The following SLC9A5 variants were observed in gnomAD, a reference collection of about 807,000 sequenced individuals.
SLC9A5 encodes the protein sodium/hydrogen exchanger 5.
Under a neutral mutation model 91.7 loss-of-function variants are expected in SLC9A5, and 52 were observed. That is an observed-to-expected ratio of 0.57 (90% CI 0.45 to 0.71). The LOEUF (loss-of-function observed/expected upper bound fraction) is 0.71, where lower values mean the gene tolerates loss of function less well. SLC9A5 is among the 30% of genes least tolerant of loss of function. The probability of loss-of-function intolerance (pLI) is 0.00; values close to 1 mark genes in which losing one functional copy is unlikely to be tolerated. For synonymous variants in SLC9A5, 419 were observed against 474.5 expected (o/e 0.88, Z 1.52); for missense variants, 871 against 1,158.9 (o/e 0.75, Z 3.61).
intron 11 of SLC9A5, 47 bp from the exon 12 acceptor site, chr16:67,259,773 C>T (rs779317834): frequency 1.2e-6 from 2 of 1,603,300 alleles, no homozygotes; most frequent in South Asian, 2.2e-5. Flanking sequence ...TTCTCCTGGA[C>T]TGCCTCCTGC....
Position 67,270,226 on chromosome 16 carries a change from C to T in SLC9A5, c.2219-512C>T, listed in dbSNP as rs1018360235. Reference sequence around the variant, plus strand: ...TTTTATATAGAGTCTCACTCTTTCACCCAGGCTGGAGTGCAGTGGCGAGAT... The same window carrying T: ...TTTTATATAGAGTCTCACTCTTTCATCCAGGCTGGAGTGCAGTGGCGAGAT... On this transcript the variant is annotated intron_variant, in intron 15 of 15. Coordinates refer to ENST00000299798, the MANE Select transcript of SLC9A5 (RefSeq NM_004594.3). The surrounding 1 kb of genome is among the most constrained non-coding windows in gnomAD (Gnocchi z 4.3). Among the ~76,000 whole-genome samples the T allele has an allele frequency of 3.3e-5, 5 of 152,156 alleles. No homozygotes were observed. The highest frequency in any genetic ancestry group is 7.3e-5 in the Non-Finnish European group (5 of 68,040).
At chr16:67,264,939 C>A in intron 13 of SLC9A5, 101 bp from the exon 14 acceptor site, 1 of 1,207,360 alleles carries the variant, frequency 8.3e-7, no homozygotes, top group Non-Finnish European at 1.2e-6. Flanking sequence ...AATTCCCTCC[C>A]CTGCTGGGTT....
In SLC9A5 at chr16:67,271,657, C is replaced by T. The variant is rs984537948; in HGVS notation, c.*447C>T. On this transcript the variant is annotated 3_prime_UTR_variant, in exon 16 of 16. Coordinates refer to ENST00000299798, the MANE Select transcript of SLC9A5 (RefSeq NM_004594.3). The stretch of plus-strand genomic sequence containing the variant: ...CAGTGGTGTCCTGGCAGTGAGGCTC[C>T]GTGAGGGGCTGGCCCTTAGAGGAAC... The T allele has an allele frequency of 1.2e-4, 21 of 172,064 alleles. No individual in the cohort carries two copies. Among genetic ancestry groups the T allele is most frequent in the Admixed American group, 6.7e-4 (12 of 18,030 alleles). The allele number at this position is 172,064 out of a possible 1,614,324, so 10.7% of individuals were successfully genotyped here.
chr16:67,266,057 G>A, intron 14 of SLC9A5, 31 bp from the exon 15 acceptor site: 2 of 1,607,758 alleles, frequency 1.2e-6, no homozygotes, highest in East Asian at 4.5e-5. Flanking sequence ...GCCAGCCCAG[G>A]ATGCCTGACT....
At position 67,256,732 on chromosome 16, in the gene SLC9A5, C is replaced by T. The variant is rs770134350; in HGVS notation, c.1132+43C>T. 105 of 1,490,314 alleles carry T rather than the reference C, an allele frequency of 7.0e-5. No individual in the cohort carries two copies. The Admixed American group carries it at 1.5e-3, about 21-fold the overall frequency. The allele number at this position is 1,490,314 out of a possible 1,614,324, so 92.3% of individuals were successfully genotyped here. ...TGCTTTCCCACTCTCCTTCCTGTCC[C>T]GCCCCTCCCTGCAGCTCATCTCCCT... is the stretch of plus-strand genomic sequence containing the variant. On this transcript the variant is annotated intron_variant, in intron 6 of 15. Coordinates refer to ENST00000299798, the MANE Select transcript of SLC9A5 (RefSeq NM_004594.3). The surrounding 1 kb of genome is among the most constrained non-coding windows in gnomAD (Gnocchi z 4.1).
Position 67,248,998 on chromosome 16 carries a change from G to C in SLC9A5, c.-17G>C. ...GCGGCCGTGCGGTGCCGGGAGGGCG[G>C]CTGGGCAGGCGGCAGGATGCTGCGC... On this transcript the variant is annotated 5_prime_UTR_variant, in exon 1 of 16. Coordinates refer to ENST00000299798, the MANE Select transcript of SLC9A5 (RefSeq NM_004594.3). The surrounding 1 kb of genome is among the most constrained non-coding windows in gnomAD (Gnocchi z 5.3). The C allele has an allele frequency of 7.9e-7, 1 of 1,262,610 alleles. No individual in the cohort carries two copies. The highest frequency in any genetic ancestry group is 1.0e-6 in the Non-Finnish European group (1 of 1,002,344). 78.2% of individuals were successfully genotyped at this position (1,262,610 alleles called of 1,614,324 possible).
rs761028172 is a variant in SLC9A5 at position 67,256,459 on chromosome 16, C to T, written c.912-10C>T. 6 of 1,598,022 alleles carry T rather than the reference C, an allele frequency of 3.8e-6. No homozygotes were observed. In the South Asian group the frequency reaches 6.6e-5, roughly 18 times the overall value. ...TTCCCCACTTGCCATGTCTCTCCAT[C>T]CTCTCCCAGGGTGACCATGTGTGGC... On this transcript the variant is annotated splice_polypyrimidine_tract_variant and intron_variant, in intron 5 of 15. Coordinates refer to ENST00000299798, the MANE Select transcript of SLC9A5 (RefSeq NM_004594.3). The surrounding 1 kb of genome is among the most constrained non-coding windows in gnomAD (Gnocchi z 4.1).
Position 67,256,669 on chromosome 16 carries a change from T to C in SLC9A5, c.1112T>C (p.Ile371Thr), listed in dbSNP as rs2035330408. The change falls in exon 6 of 16, where the codon ATC (isoleucine) becomes ACC (threonine). Residue 371 changes from isoleucine to threonine, a missense_variant. Ile to Thr is a moderately conservative substitution (Grantham distance 89). This residue lies in a region of SLC9A5 where 454 missense variants were observed against 718.3 expected (regional missense o/e 0.63). Transcript: ENST00000299798. The surrounding 1 kb of genome is among the most constrained non-coding windows in gnomAD (Gnocchi z 4.1). The part of the protein sequence containing the change: ...SGLVLGTLIF[I>T]LFFRALGVVL... ...CTGGTGCTGGGCACCCTCATCTTCATCCTGTTCTTCCGAGCCCTCGGTATT... is the reference window on the plus strand; with the variant it reads ...CTGGTGCTGGGCACCCTCATCTTCACCCTGTTCTTCCGAGCCCTCGGTATT... 1.2e-6 allele frequency: 2 copies of C among 1,613,092 alleles called. No individual in the cohort carries two copies. The highest frequency in any genetic ancestry group is 1.7e-6 in the Non-Finnish European group (2 of 1,179,850).
Position 67,252,874 on chromosome 16 carries a change from A to C in SLC9A5, c.490+30A>C. 1 of 1,585,380 alleles carries C rather than the reference A, an allele frequency of 6.3e-7. No individual in the cohort carries two copies. ...GTGACCCTAAGACCTGGGCTTTGCC[A>C]GACCCATCACCCCTCTCCCTTCTCC... On this transcript the variant is annotated intron_variant, in intron 2 of 15. Transcript: ENST00000299798. This position sits in a 1 kb window ranked among gnomAD's most constrained non-coding sequence, Gnocchi z 4.0.
intron 1 of SLC9A5, among the ~76,000 whole-genome samples, chr16:67,250,074 T>C (rs2035055590): frequency 1.3e-5 from 2 of 152,186 alleles, no homozygotes; most frequent in Non-Finnish European, 2.9e-5. Flanking sequence ...TCTCTCCCCA[T>C]GGATGCTGGC....
chr16:67,271,152 GC>G lies in SLC9A5; in HGVS notation c.2636del (p.Pro879GlnfsTer46). 3.7e-6 allele frequency: 6 copies of G among 1,613,280 alleles called. No homozygotes were observed. The highest frequency in any genetic ancestry group is 5.1e-6 in the Non-Finnish European group (6 of 1,180,032). ...GGCCACAAGGACCACACCCATCTCAGCCCAGGCACCGCTACCTCCCACTGGT... is the reference window on the plus strand; with the variant it reads ...GGCCACAAGGACCACACCCATCTCAGCCAGGCACCGCTACCTCCCACTGGT... ...LMGHKDHTHL[S>X]PGTATSHWCI... On this transcript the variant is annotated frameshift_variant, in exon 16 of 16. Transcript: ENST00000299798. LOFTEE classifies it high-confidence loss of function.
chr16:67,267,039 A>G (rs528255640), intron 15 of SLC9A5, among the ~76,000 whole-genome samples: 39 of 134,910 alleles, frequency 2.9e-4, no homozygotes, highest in African/African-American at 1.1e-3. Flanking sequence ...CAGCTTCCCG[A>G]GTAGTTGGGA....
At position 67,271,262 on chromosome 16, in the gene SLC9A5, C is replaced by G; in HGVS notation, c.*52C>G. On this transcript the variant is annotated 3_prime_UTR_variant, in exon 16 of 16. Transcript: ENST00000299798. ...GTGGAATCCCTGTGGGAAGTGCTCCCTGGGTGATGGGTAGAGCCCTCGAAA... is the reference window on the plus strand; with the variant it reads ...GTGGAATCCCTGTGGGAAGTGCTCCGTGGGTGATGGGTAGAGCCCTCGAAA... 3 of 1,480,932 alleles carry G rather than the reference C, an allele frequency of 2.0e-6. No homozygotes were observed. The highest frequency in any genetic ancestry group is 2.8e-6 in the Non-Finnish European group (3 of 1,084,718). 91.7% of individuals were successfully genotyped at this position (1,480,932 alleles called of 1,614,324 possible). A position where few individuals can be genotyped will look rare whatever the true frequency, so the allele number is the denominator to read the frequency against.
At chr16:67,268,711 T>TATATATATATATATATA (rs55635044) in intron 15 of SLC9A5, among the ~76,000 whole-genome samples, 3 of 97,520 alleles carry the variant, frequency 3.1e-5, no homozygotes, top group Non-Finnish European at 5.8e-5. Context: ...TATATATATA[T>TATATATATATATATATA]TTTTACAGTA....
chr16:67,254,646 C>G, intron 2 of SLC9A5, among the ~76,000 whole-genome samples: 1 of 152,236 alleles, frequency 6.6e-6, no homozygotes, highest in East Asian at 1.9e-4. Context: ...ATCCAGCCCA[C>G]CTCGGCCTCC....
chr16:67,267,071 C>G (rs1327766724), intron 15 of SLC9A5, among the ~76,000 whole-genome samples: 2 of 147,188 alleles, frequency 1.4e-5, no homozygotes, highest in Non-Finnish European at 3.0e-5. Context: ...CACTAGCACA[C>G]CCAGCTGTTG....
At chr16:67,265,252 T>G in intron 14 of SLC9A5, 146 bp downstream of exon 14, 1 of 708,796 alleles carries the variant, frequency 1.4e-6, no homozygotes. Context: ...ATTTCCAAGT[T>G]GGAAATGTTC....
chr16:67,260,786 A>G (rs544201103), intron 12 of SLC9A5, among the ~76,000 whole-genome samples: 34 of 152,338 alleles, frequency 2.2e-4, no homozygotes, highest in Non-Finnish European at 4.4e-4. Flanking sequence ...AATGCAGATC[A>G]TGAAGCTTTG....
In SLC9A5 at chr16:67,270,894, A is replaced by G. The variant is rs545038054; in HGVS notation, c.2375A>G (p.Asn792Ser). The change falls in exon 16 of 16, where the codon AAC becomes AGC. Residue 792 changes from asparagine to serine, a missense_variant. By Grantham distance (46) the Asn-to-Ser change is conservative. Around this residue, in one of 3 missense-constraint regions of SLC9A5, gnomAD observed 295 missense variants for 326.0 expected, o/e 0.90. Transcript: ENST00000299798. The surrounding 1 kb of genome is among the most constrained non-coding windows in gnomAD (Gnocchi z 4.3). Reference protein sequence around the residue: ...IVPVDMQTGWNQSISSLESLA... With the variant: ...IVPVDMQTGWSQSISSLESLA... ...CCTGTGGACATGCAGACGGGTTGGAACCAGAGCATCTCATCCCTGGAGAGC... is the reference window on the plus strand; with the variant it reads ...CCTGTGGACATGCAGACGGGTTGGAGCCAGAGCATCTCATCCCTGGAGAGC... 6.8e-6 allele frequency: 11 copies of G among 1,614,004 alleles called. No individual in the cohort carries two copies. The highest frequency in any genetic ancestry group is 1.6e-4 in the Middle Eastern group (1 of 6,062).
Sources: gnomAD v4.1 joint callset for allele counts (sites outside exome capture counted in the v4.1 genomes callset) on GRCh38, gnomAD v4.1.1 for gene constraint, gnomAD v4.1.1 regional missense constraint, Gnocchi (gnomAD v3.1) non-coding constraint, MANE v1.5 for transcripts, NCBI Gene and HGNC (gene_info 2026-07-23, HGNC 2026-07-21) for gene names.